Variants in SPTBN1 observed in about 807,000 individuals in gnomAD.
The protein encoded by SPTBN1 is spectrin beta chain, non-erythrocytic 1.
SPTBN1 carries 32 observed loss-of-function variants against 266.4 expected under a neutral mutation model. The observed-to-expected ratio is 0.12, with a 90% CI of 0.09 to 0.16. The LOEUF is 0.16. Ranked by LOEUF, SPTBN1 falls within the 10% of genes least tolerant of loss-of-function variation. The pLI, the probability that SPTBN1 is intolerant of heterozygous loss-of-function variation, is 1.00. For synonymous variants in SPTBN1, 1,336 were observed against 1,162.2 expected (o/e 1.15, Z -3.04); for missense variants, 2,296 against 3,067.1 (o/e 0.75, Z 5.94).
chr2:54,593,723 G>T (rs575246713), intron 2 of SPTBN1, among the ~76,000 whole-genome samples: 2 of 150,648 alleles, frequency 1.3e-5, no homozygotes, highest in Non-Finnish European at 3.0e-5. Flanking sequence ...AACAGATGGA[G>T]AGTTACCCAA....
At chr2:54,486,153 C>G (rs1218618135) in intron 1 of SPTBN1, among the ~76,000 whole-genome samples, 3 of 138,138 alleles carry the variant, frequency 2.2e-5, no homozygotes, top group East Asian at 2.3e-4. Context: ...AGGGGCGCCT[C>G]TGCCCGGCCG....
At chr2:54,473,229 A>G (rs975128581) in intron 1 of SPTBN1, among the ~76,000 whole-genome samples, 1 of 152,208 alleles carries the variant, frequency 6.6e-6, no homozygotes, top group African/African-American at 2.4e-5. Flanking sequence ...TAATTACTGT[A>G]CTTTTTGGTC....
intron 2 of SPTBN1, among the ~76,000 whole-genome samples, chr2:54,583,941 A>G (rs1314577560): frequency 1.3e-5 from 2 of 152,250 alleles, no homozygotes; most frequent in Non-Finnish European, 2.9e-5. Context: ...TTCAAAATTA[A>G]TATGTGCTCC....
intron 2 of SPTBN1, among the ~76,000 whole-genome samples, chr2:54,584,333 A>G (rs973435462): frequency 2.6e-5 from 4 of 152,116 alleles, no homozygotes; most frequent in African/African-American, 9.7e-5. Context: ...TCTTTTTGAC[A>G]ATTATTTTTT....
chr2:54,479,163 G>A (rs981311614), intron 1 of SPTBN1, among the ~76,000 whole-genome samples: 1 of 152,216 alleles, frequency 6.6e-6, no homozygotes, highest in Non-Finnish European at 1.5e-5. Flanking sequence ...AGGGATGTCA[G>A]TGAAGGCTGA....
At chr2:54,569,268 G>A (rs934770088) in intron 2 of SPTBN1, among the ~76,000 whole-genome samples, 1 of 152,170 alleles carries the variant, frequency 6.6e-6, no homozygotes, top group African/African-American at 2.4e-5. Context: ...GAAAGCAGCA[G>A]TACTGGAGAG....
chr2:54,548,575 C>T (rs577809079), intron 2 of SPTBN1, among the ~76,000 whole-genome samples: 1 of 152,328 alleles, frequency 6.6e-6, no homozygotes, highest in East Asian at 1.9e-4. Flanking sequence ...GAGAAATGCA[C>T]GCTACTTCCT....
At position 54,637,771 on chromosome 2, in the gene SPTBN1, G is replaced by A; in HGVS notation, c.3826G>A (p.Asp1276Asn). The A allele has an allele frequency of 6.2e-7, 1 of 1,613,822 alleles. No individual in the cohort carries two copies. Among genetic ancestry groups the A allele is most frequent in the Non-Finnish European group, 8.5e-7 (1 of 1,179,830 alleles). ...TTTGATGAGGTTGAAGGACAACAGG[G>A]ATCTACAGAAATTCCTGCAAGATTG... ...ELLMRLKDNR[D>N]LQKFLQDCQE... The change falls in exon 18 of 36, where the codon GAT becomes AAT. Residue 1276 changes from aspartate (D) to asparagine (N), a missense_variant. By Grantham distance (23) the Asp-to-Asn change is conservative. Transcript: ENST00000356805.
Position 54,668,709 on chromosome 2 carries a change from T to A in SPTBN1, c.*140T>A. On this transcript the variant is annotated 3_prime_UTR_variant, in exon 36 of 36. Transcript: ENST00000356805. ...TTTTTTTTTTTTAATTTATAGAGCA[T>A]TTCGGGGGGGGTGGGGGAAACACAC... 1 of 592,642 alleles carries A rather than the reference T, an allele frequency of 1.7e-6. No homozygotes were observed. The highest frequency in any genetic ancestry group is 2.7e-6 in the Non-Finnish European group (1 of 376,992). The allele number at this position is 592,642 out of a possible 1,614,324, so 36.7% of individuals were successfully genotyped here.
chr2:54,560,045 A>AGCTCAGAGGAAGCTCCCTTCGCTCTGGG (rs1434047523), intron 2 of SPTBN1, among the ~76,000 whole-genome samples: 1 of 152,158 alleles, frequency 6.6e-6, no homozygotes, highest in Non-Finnish European at 1.5e-5. Context: ...TCTGGCAGTT[A>AGCTCAGAGGAAGCTCCCTTCGCTCTGGG]GCTCAGAGGA....
At chr2:54,637,357 C>T (rs1679219131) in intron 17 of SPTBN1, among the ~76,000 whole-genome samples, 1 of 152,138 alleles carries the variant, frequency 6.6e-6, no homozygotes, top group Non-Finnish European at 1.5e-5. Context: ...TTATGAGCTT[C>T]TTGAAAATAA....
chr2:54,605,415 A>G (rs561703832), intron 3 of SPTBN1, among the ~76,000 whole-genome samples: 1 of 152,302 alleles, frequency 6.6e-6, no homozygotes, highest in Admixed American at 6.5e-5. Flanking sequence ...CTGTGTCTTC[A>G]TGTATAAAAT....
rs1240048691 is a variant in SPTBN1 at position 54,623,491 on chromosome 2, G to A, written c.1077G>A (p.Lys359=). ...TVEKPPKFTE[K]GNLEVLLFTI... is the part of the protein sequence containing the mutation. ...CCCCTGTGTTTAGATTTACTGAGAA[G>A]GGGAACTTGGAAGTGCTGCTCTTCA... Residue 359 remains lysine (K), a synonymous_variant, in exon 10 of 36, where the codon AAG becomes AAA. Transcript: ENST00000356805. The A allele has an allele frequency of 6.2e-7, 1 of 1,614,124 alleles. No individual in the cohort carries two copies. The highest frequency in any genetic ancestry group is 1.3e-5 in the African/African-American group (1 of 75,054).
At chr2:54,608,398 G>A (rs1676993520) in intron 3 of SPTBN1, among the ~76,000 whole-genome samples, 1 of 152,192 alleles carries the variant, frequency 6.6e-6, no homozygotes, top group South Asian at 2.1e-4. Flanking sequence ...AATGTCTCCG[G>A]GAAGGAAAGA....
In SPTBN1 at chr2:54,671,275, C is replaced by T. The variant is rs1243542085; in HGVS notation, c.*2706C>T. 1 of 152,996 alleles carries T rather than the reference C, an allele frequency of 6.5e-6. No homozygotes were observed. Among genetic ancestry groups the T allele is most frequent in the Non-Finnish European group, 1.5e-5 (1 of 68,672 alleles). 9.5% of individuals were successfully genotyped at this position (152,996 alleles called of 1,614,324 possible). ...CCAGTGACTGTGCTTCTTACAATTC[C>T]TGGCATCTTGAGTAGGTGAAACACT... is the stretch of plus-strand genomic sequence containing the variant. On this transcript the variant is annotated 3_prime_UTR_variant, in exon 36 of 36. Coordinates refer to ENST00000356805, the MANE Select transcript of SPTBN1 (RefSeq NM_003128.3).
chr2:54,643,635 C>T (rs924849144), intron 19 of SPTBN1, among the ~76,000 whole-genome samples: 2 of 152,098 alleles, frequency 1.3e-5, no homozygotes, highest in African/African-American at 4.8e-5. Context: ...CCCCCCCTTC[C>T]CCCCGACTTC....
intron 1 of SPTBN1, among the ~76,000 whole-genome samples, chr2:54,496,604 C>T (rs6740698): frequency 0.19 from 29,557 of 152,020 alleles, 2,971 homozygotes; most frequent in Admixed American, 0.23. Context: ...TTAACAGATA[C>T]GTAGACAGAA....
In SPTBN1 at chr2:54,637,863, A is replaced by G. The variant is rs1018389392; in HGVS notation, c.3858+60A>G. 14 of 1,366,516 alleles carry G rather than the reference A, an allele frequency of 1.0e-5. No individual in the cohort carries two copies. In the Admixed American group the frequency reaches 2.6e-4, roughly 25 times the overall value. The allele number at this position is 1,366,516 out of a possible 1,614,324, so 84.6% of individuals were successfully genotyped here. ...CCAGTAATAGCAATTGCCAGCCAGCATTTAGCACAAGAGCCTTTTGAATTA... is the reference window on the plus strand; with the variant it reads ...CCAGTAATAGCAATTGCCAGCCAGCGTTTAGCACAAGAGCCTTTTGAATTA... On this transcript the variant is annotated intron_variant, in intron 18 of 35. Transcript: ENST00000356805.
intron 1 of SPTBN1, among the ~76,000 whole-genome samples, chr2:54,486,672 A>C (rs1194939249): frequency 6.6e-6 from 1 of 151,748 alleles, no homozygotes; most frequent in Non-Finnish European, 1.5e-5. Context: ...TTGTCCTATG[A>C]CCCTGCCAAA....
Sources: allele counts gnomAD v4.1 joint callset (sites outside exome capture counted in the v4.1 genomes callset), GRCh38; gene constraint gnomAD v4.1.1; transcripts MANE v1.5; gene names NCBI Gene and HGNC (gene_info 2026-07-23, HGNC 2026-07-21).